CHSY3: variants seen among roughly 807,000 people sequenced by gnomAD.
The protein encoded by CHSY3 is N-acetylgalactosaminyl-proteoglycan 3-beta-glucuronosyltransferase 3.
A neutral mutation model predicts 67.2 loss-of-function variants in CHSY3; 35 were observed. The ratio of observed to expected loss-of-function variants is 0.52; its 90% CI spans 0.40 to 0.69. The LOEUF is 0.69. CHSY3 is among the 30% of genes least tolerant of loss of function. CHSY3 has a pLI of 0.00. For synonymous variants in CHSY3, 474 were observed against 434.7 expected (o/e 1.09, Z -1.12); for missense variants, 1,069 against 1,138.5 (o/e 0.94, Z 0.88).
chr5:129,919,134 A>AAAT (rs1760834385), intron 2 of CHSY3, among the ~76,000 whole-genome samples: 1 of 151,336 alleles, frequency 6.6e-6, no homozygotes, highest in African/African-American at 2.4e-5. Flanking sequence ...AAAAAAAAAA[A>AAAT]AAATTTATTC....
intron 2 of CHSY3, among the ~76,000 whole-genome samples, chr5:130,074,262 A>C (rs1766181939): frequency 6.6e-6 from 1 of 151,586 alleles, no homozygotes; most frequent in African/African-American, 2.4e-5. Context: ...GTACAGATGG[A>C]GTTTCACCAC....
intron 2 of CHSY3, among the ~76,000 whole-genome samples, chr5:129,971,449 A>G (rs1355243420): frequency 6.6e-6 from 1 of 151,934 alleles, no homozygotes; most frequent in Non-Finnish European, 1.5e-5. Flanking sequence ...CTAATAAAAG[A>G]CTTACATCAG....
At chr5:130,099,993 C>CA (rs58827394) in intron 2 of CHSY3, among the ~76,000 whole-genome samples, 61 of 142,964 alleles carry the variant, frequency 4.3e-4, no homozygotes, top group Middle Eastern at 7.0e-3. Context: ...GTAGTGACTA[C>CA]AAAAAAAAAA....
At chr5:129,954,462 GTT>G (rs768087838) in intron 2 of CHSY3, among the ~76,000 whole-genome samples, 2 of 143,862 alleles carry the variant, frequency 1.4e-5, no homozygotes. Flanking sequence ...TGGCTATACG[GTT>G]TTTTTTTTTT....
At chr5:130,122,127 A>T (rs1019307474) in intron 2 of CHSY3, among the ~76,000 whole-genome samples, 2 of 152,238 alleles carry the variant, frequency 1.3e-5, no homozygotes, top group Admixed American at 1.3e-4. Flanking sequence ...ACATGAATTA[A>T]TAAGTAAACA....
At chr5:130,180,349 C>T (rs1770206860) in intron 2 of CHSY3, among the ~76,000 whole-genome samples, 1 of 152,026 alleles carries the variant, frequency 6.6e-6, no homozygotes, top group Non-Finnish European at 1.5e-5. Context: ...TTCTAAATAG[C>T]CTCATCAGTG....
chr5:129,984,741 T>C (rs1327990943), intron 2 of CHSY3, among the ~76,000 whole-genome samples: 1 of 152,198 alleles, frequency 6.6e-6, no homozygotes, highest in Non-Finnish European at 1.5e-5. Context: ...AGTATCTCAT[T>C]GTGGTTTTTA....
intron 2 of CHSY3, among the ~76,000 whole-genome samples, chr5:130,077,104 A>C (rs1766290177): frequency 6.6e-6 from 1 of 151,756 alleles, no homozygotes; most frequent in South Asian, 2.1e-4. Context: ...TAATAATAAT[A>C]AAATAAAATT....
At chr5:129,921,955 G>A (rs1009335772) in intron 2 of CHSY3, among the ~76,000 whole-genome samples, 9 of 151,836 alleles carry the variant, frequency 5.9e-5, no homozygotes, top group African/African-American at 2.2e-4. Flanking sequence ...CTATCTAACT[G>A]TATTTTTGTA....
chr5:129,956,424 T>C (rs565417121), intron 2 of CHSY3, among the ~76,000 whole-genome samples: 1 of 152,272 alleles, frequency 6.6e-6, no homozygotes, highest in South Asian at 2.1e-4. Context: ...TCTTATAAAT[T>C]TGTTTAGGTT....
intron 2 of CHSY3, among the ~76,000 whole-genome samples, chr5:130,167,962 A>C (rs1769795251): frequency 6.6e-6 from 1 of 152,100 alleles, no homozygotes; most frequent in African/African-American, 2.4e-5. Context: ...AGGTCTCAAA[A>C]CCAAACCTGT....
chr5:130,078,965 G>A (rs959633796), intron 2 of CHSY3, among the ~76,000 whole-genome samples: 2 of 152,070 alleles, frequency 1.3e-5, no homozygotes, highest in Non-Finnish European at 2.9e-5. Context: ...TGCTATAGTC[G>A]TCAAAGCAAG....
At chr5:130,037,299 A>C (rs936132199) in intron 2 of CHSY3, among the ~76,000 whole-genome samples, 1 of 152,152 alleles carries the variant, frequency 6.6e-6, no homozygotes, top group Non-Finnish European at 1.5e-5. Flanking sequence ...GATACATCTT[A>C]GAAAGCAGGA....
chr5:130,015,114 T>C lies in CHSY3; in HGVS notation c.1086+106754T>C, dbSNP rs144210966. On this transcript the variant is annotated intron_variant, in intron 2 of 2. Coordinates refer to ENST00000305031, the MANE Select transcript of CHSY3 (RefSeq NM_175856.5). ...GTGGATTTCCCCCTTGTTTTTCTCA[T>C]GATAGTGAGTTTTTCTCATGAGATC... Among the ~76,000 whole-genome samples the C allele has an allele frequency of 2.7e-3, 409 of 152,272 alleles. 11 individuals carry two copies. Among genetic ancestry groups the C allele is most frequent in the Non-Finnish European group, 3.5e-4 (24 of 68,016 alleles).
chr5:130,020,313 G>A (rs143855247), intron 2 of CHSY3, among the ~76,000 whole-genome samples: 2,401 of 151,330 alleles, frequency 0.016, 54 homozygotes, highest in African/African-American at 0.054. Flanking sequence ...CCAGCTACTC[G>A]GGAGGCTGAG....
At chr5:130,158,716 C>T (rs896732367) in intron 2 of CHSY3, among the ~76,000 whole-genome samples, 1 of 152,144 alleles carries the variant, frequency 6.6e-6, no homozygotes, top group Non-Finnish European at 1.5e-5. Context: ...GTTTTTGCAG[C>T]AAGTTTCTGA....
chr5:129,905,807 T>C (rs1760267875), intron 1 of CHSY3, 176 bp downstream of exon 1: 1 of 1,312,410 alleles, frequency 7.6e-7, no homozygotes. Flanking sequence ...TCGTAGCCCG[T>C]TCCTCGTCTT....
At chr5:130,111,864 A>G (rs1266073083) in intron 2 of CHSY3, among the ~76,000 whole-genome samples, 1 of 151,854 alleles carries the variant, frequency 6.6e-6, no homozygotes, top group African/African-American at 2.4e-5. Context: ...AATTCCACAC[A>G]TTTTATTTTA....
At chr5:130,040,417 C>T (rs971433478) in intron 2 of CHSY3, among the ~76,000 whole-genome samples, 2 of 152,060 alleles carry the variant, frequency 1.3e-5, no homozygotes, top group Admixed American at 6.6e-5. Context: ...GTTTGCTCCC[C>T]GAAATTGTTC....
Sources: gnomAD v4.1 joint callset for allele counts (sites outside exome capture counted in the v4.1 genomes callset) on GRCh38, gnomAD v4.1.1 for gene constraint, MANE v1.5 for transcripts, NCBI Gene and HGNC (gene_info 2026-07-23, HGNC 2026-07-21) for gene names.